Variants in ZPBP observed in about 807,000 individuals in gnomAD.
ZPBP encodes zona pellucida-binding protein 1.
In ZPBP, 26 loss-of-function variants were observed where a neutral mutation model predicts 44.8. The observed-to-expected ratio is 0.58, with a 90% confidence interval of 0.43 to 0.81. The LOEUF is 0.81. Among genes scored for constraint, ZPBP ranks in the 30% least tolerant of loss-of-function variants. ZPBP has a pLI of 0.00. For missense variants in ZPBP, 409 were observed against 434.0 expected (o/e 0.94, Z 0.51); for synonymous variants, 174 against 153.2 (o/e 1.14, Z -1.00).
chr7:49,921,521 A>T (rs971997429), intron 1 of ZPBP: 1 of 152,216 alleles, frequency 6.6e-6, no homozygotes, highest in Non-Finnish European at 1.5e-5. Flanking sequence ...CACGTTACCT[A>T]CCTCTCTGTA....
At chr7:50,030,013 G>A (rs1222666586) in intron 5 of ZPBP, among the ~76,000 whole-genome samples, 1 of 152,054 alleles carries the variant, frequency 6.6e-6, no homozygotes, top group Admixed American at 6.6e-5. Flanking sequence ...ATGCCACCAG[G>A]CCCGGCTAAT....
chr7:50,031,313 G>A lies in ZPBP; in HGVS notation c.488-3C>T. ...ATAATAATGAGGCTCACGATAAGCTGTAAAAAATTAACAAGAGAAAGACAC... is the reference window on the plus strand; with the variant it reads ...ATAATAATGAGGCTCACGATAAGCTATAAAAAATTAACAAGAGAAAGACAC... On this transcript the variant is annotated splice_polypyrimidine_tract_variant and splice_region_variant and intron_variant, in intron 4 of 7. Coordinates refer to ENST00000046087, the MANE Select transcript of ZPBP (RefSeq NM_007009.3). The A allele has an allele frequency of 1.2e-6, 2 of 1,605,986 alleles. No homozygotes were observed. The highest frequency in any genetic ancestry group is 1.7e-6 in the Non-Finnish European group (2 of 1,177,202).
chr7:49,995,147 G>A (rs939934285), intron 6 of ZPBP, among the ~76,000 whole-genome samples: 1 of 152,148 alleles, frequency 6.6e-6, no homozygotes, highest in African/African-American at 2.4e-5. Flanking sequence ...TAAGTCTAAA[G>A]TAATTGCTAC....
intron 3 of ZPBP, among the ~76,000 whole-genome samples, chr7:50,066,371 T>C (rs1228333340): frequency 7.0e-6 from 1 of 143,746 alleles, no homozygotes. Flanking sequence ...ACAGACTGAA[T>C]AGGTGGTCTG....
intron 7 of ZPBP, chr7:49,940,640 T>G (rs1368292096): frequency 1.1e-5 from 5 of 437,136 alleles, no homozygotes; most frequent in African/African-American, 1.1e-4. Flanking sequence ...TCTACAGCAA[T>G]TAAGTTCTGA....
chr7:49,895,359 G>A (rs946908772), intron 2 of ZPBP, among the ~76,000 whole-genome samples: 3 of 152,144 alleles, frequency 2.0e-5, no homozygotes, highest in Admixed American at 6.5e-5. Flanking sequence ...TTCAATGTAC[G>A]AATTCCAGGG....
chr7:50,075,972 A>G (rs139506003), intron 3 of ZPBP, among the ~76,000 whole-genome samples: 89 of 152,090 alleles, frequency 5.9e-4, no homozygotes, highest in African/African-American at 1.9e-3. Flanking sequence ...ACAAGTCAAT[A>G]TCTCTGATGA....
At chr7:50,000,253 AAT>A (rs1268208372) in intron 6 of ZPBP, among the ~76,000 whole-genome samples, 1 of 152,190 alleles carries the variant, frequency 6.6e-6, no homozygotes, top group Non-Finnish European at 1.5e-5. Context: ...ATAAGAATCA[AAT>A]ATGTTTTGTG....
chr7:49,931,516 T>C (rs1018594171), intron 1 of ZPBP, among the ~76,000 whole-genome samples: 1 of 152,168 alleles, frequency 6.6e-6, no homozygotes, highest in African/African-American at 2.4e-5. Flanking sequence ...TGCCCTGCCC[T>C]AGAGATCTGT....
chr7:50,025,351 TAC>T (rs1799274839), intron 5 of ZPBP, among the ~76,000 whole-genome samples: 1 of 151,782 alleles, frequency 6.6e-6, no homozygotes, highest in Non-Finnish European at 1.5e-5. Context: ...AGGCAAGAAA[TAC>T]AGAGGACCAA....
At chr7:50,050,094 G>A (rs990297797) in intron 4 of ZPBP, among the ~76,000 whole-genome samples, 9 of 151,776 alleles carry the variant, frequency 5.9e-5, no homozygotes, top group Non-Finnish European at 1.0e-4. Context: ...GCAAATGAAA[G>A]AAATCAAAGA....
At chr7:49,984,834 T>C (rs1749904159) in intron 6 of ZPBP, among the ~76,000 whole-genome samples, 1 of 152,192 alleles carries the variant, frequency 6.6e-6, no homozygotes, top group Admixed American at 6.5e-5. Flanking sequence ...TCTCATTTTA[T>C]ATATATGCAA....
rs139013343 is a variant in ZPBP, at chr7:50,011,631, G to T, written c.783+6609C>A. 7.9e-5 allele frequency among the ~76,000 whole-genome samples: 12 copies of T among 152,136 alleles called. No individual in the cohort carries two copies. The East Asian group carries it at 2.3e-3, about 29-fold the overall frequency. On this transcript the variant is annotated intron_variant, in intron 6 of 7. Coordinates refer to ENST00000046087, the MANE Select transcript of ZPBP (RefSeq NM_007009.3). ...ATAGCATGTTGAATAAATTCAGAAGGACTTAAAATATACACAGTGTGTCTT... is the reference window on the plus strand; with the variant it reads ...ATAGCATGTTGAATAAATTCAGAAGTACTTAAAATATACACAGTGTGTCTT...
chr7:50,043,639 T>C (rs1695716045), intron 4 of ZPBP, among the ~76,000 whole-genome samples: 1 of 152,206 alleles, frequency 6.6e-6, no homozygotes, highest in African/African-American at 2.4e-5. Flanking sequence ...ATCCTAAATA[T>C]ATAGGCACCC....
downstream of ZPBP, chr7:49,850,346 T>C (rs532502134): frequency 2.0e-5 from 3 of 152,340 alleles, no homozygotes; most frequent in South Asian, 6.2e-4. Flanking sequence ...CCAGTTCCAT[T>C]GGTGAGTCCA....
chr7:50,005,880 T>C (rs1218922914), intron 6 of ZPBP, among the ~76,000 whole-genome samples: 1 of 147,302 alleles, frequency 6.8e-6, no homozygotes, highest in African/African-American at 2.5e-5. Context: ...TTGCCTACAT[T>C]AATATCAGGT....
chr7:49,964,840 T>C (rs1423312057), intron 7 of ZPBP, among the ~76,000 whole-genome samples: 2 of 152,144 alleles, frequency 1.3e-5, no homozygotes, highest in Non-Finnish European at 2.9e-5. Context: ...TTCATGGGTA[T>C]GGCAGAACTG....
At chr7:49,981,617 T>TAAATTA (rs1269231447) in intron 7 of ZPBP, among the ~76,000 whole-genome samples, 589 of 17,496 alleles carry the variant, frequency 0.034, 112 homozygotes, top group African/African-American at 0.059. Flanking sequence ...TATAATTATA[T>TAAATTA]TATATTATAT....
intron 4 of ZPBP, chr7:50,056,332 T>C (rs1800935061): frequency 6.6e-6 from 1 of 152,236 alleles, no homozygotes; most frequent in Non-Finnish European, 1.5e-5. Context: ...TGGCTTCTTC[T>C]TTGATTTTCA....
Sources: allele counts gnomAD v4.1 joint callset (sites outside exome capture counted in the v4.1 genomes callset), GRCh38; gene constraint gnomAD v4.1.1; transcripts MANE v1.5; gene names NCBI Gene and HGNC (gene_info 2026-07-23, HGNC 2026-07-21).